The following DYNC2I2 variants were observed in gnomAD, a reference collection of about 807,000 sequenced individuals.
The protein encoded by DYNC2I2 is cytoplasmic dynein 2 intermediate chain 2.
In DYNC2I2, 39 loss-of-function variants were observed where a neutral mutation model predicts 52.0. The ratio of observed to expected loss-of-function variants is 0.75; its 90% CI spans 0.58 to 0.98. The LOEUF is 0.98. Ranked by LOEUF, DYNC2I2 falls within the 50% of genes least tolerant of loss-of-function variation. The pLI is 0.00. For missense variants in DYNC2I2, 743 were observed against 728.4 expected (o/e 1.02, Z -0.23); for synonymous variants, 359 against 321.1 (o/e 1.12, Z -1.26).
the DYNC2I2 span, among the ~76,000 whole-genome samples, chr9:128,674,201 TCTCGGCTCA>T: frequency 6.6e-6 from 1 of 151,888 alleles, no homozygotes; most frequent in Non-Finnish European, 1.5e-5. Context: ...AGTGGCGTAA[TCTCGGCTCA>T]CTGCAAGCTC....
chr9:128,659,703 G>A (rs1860896313), upstream of DYNC2I2, among the ~76,000 whole-genome samples: 1 of 151,886 alleles, frequency 6.6e-6, no homozygotes, highest in African/African-American at 2.4e-5. Flanking sequence ...GAGGTCAGGA[G>A]TTCGAGACCA....
chr9:128,637,340 A>T (rs1427664729), intron 2 of DYNC2I2, among the ~76,000 whole-genome samples: 7 of 152,248 alleles, frequency 4.6e-5, no homozygotes, highest in Non-Finnish European at 1.0e-4. Context: ...GTTGCCCAGC[A>T]GCATAAAAGT....
the DYNC2I2 span, among the ~76,000 whole-genome samples, chr9:128,662,904 A>C: frequency 2.3e-4 from 35 of 149,378 alleles, no homozygotes; most frequent in African/African-American, 8.2e-4. Flanking sequence ...TCACAGGTTC[A>C]AGCATTTCTC....
chr9:128,666,479 A>G, the DYNC2I2 span, among the ~76,000 whole-genome samples: 1 of 151,386 alleles, frequency 6.6e-6, no homozygotes, highest in Non-Finnish European at 1.5e-5. Flanking sequence ...AATGAAGACA[A>G]TGCCGGGCAT....
chr9:128,637,239 C>T (rs1426124447), intron 2 of DYNC2I2, among the ~76,000 whole-genome samples: 1 of 152,216 alleles, frequency 6.6e-6, no homozygotes, highest in Non-Finnish European at 1.5e-5. Context: ...GAAGCAAGGC[C>T]GACCAGGCTC....
At chr9:128,668,206 G>C in the DYNC2I2 span, among the ~76,000 whole-genome samples, 1 of 151,784 alleles carries the variant, frequency 6.6e-6, no homozygotes, top group East Asian at 1.9e-4. Context: ...TGATCCGCCC[G>C]CCTTGGCCTC....
At chr9:128,677,556 C>T in the DYNC2I2 span, among the ~76,000 whole-genome samples, 21 of 151,780 alleles carry the variant, frequency 1.4e-4, no homozygotes, top group East Asian at 5.8e-4. Context: ...CAGCACTTTG[C>T]GTCGGCTGAG....
the DYNC2I2 span, among the ~76,000 whole-genome samples, chr9:128,666,058 G>C: frequency 1.3e-5 from 2 of 151,986 alleles, no homozygotes; most frequent in African/African-American, 4.8e-5. Flanking sequence ...CTGGGAGACA[G>C]AGCAAGACTC....
chr9:128,682,210 G>A, the DYNC2I2 span, among the ~76,000 whole-genome samples: 8 of 151,624 alleles, frequency 5.3e-5, no homozygotes, highest in African/African-American at 1.2e-4. Flanking sequence ...AACCACGCCC[G>A]GCTAATTTTT....
At chr9:128,683,461 C>T in the DYNC2I2 span, 110 of 227,726 alleles carry the variant, frequency 4.8e-4, 1 homozygote, top group African/African-American at 2.3e-3. Flanking sequence ...GGCAACAGCA[C>T]GTGTTTAAAT....
At position 128,640,680 on chromosome 9, in the gene DYNC2I2, C is replaced by G. The variant is rs202171371; in HGVS notation, c.435+11G>C. 1 of 1,611,972 alleles carries G rather than the reference C, an allele frequency of 6.2e-7. No homozygotes were observed. The highest frequency in any genetic ancestry group is 8.5e-7 in the Non-Finnish European group (1 of 1,178,520). ...GGGCTCGACCCGAGGCTGCACCAGC[C>G]CATCCCCTACCATCTGCTGCTGCTC... On this transcript the variant is annotated intron_variant, in intron 2 of 8. Coordinates refer to ENST00000372715, the MANE Select transcript of DYNC2I2 (RefSeq NM_052844.4).
chr9:128,645,613 T>C (rs1416920313), intron 1 of DYNC2I2, among the ~76,000 whole-genome samples: 2 of 47,168 alleles, frequency 4.2e-5, no homozygotes, highest in South Asian at 1.1e-3. Context: ...TGAGACTCCA[T>C]CTCAAAAAAA....
At chr9:128,678,283 G>C in the DYNC2I2 span, among the ~76,000 whole-genome samples, 2 of 151,592 alleles carry the variant, frequency 1.3e-5, no homozygotes, top group African/African-American at 4.8e-5. Flanking sequence ...GGTCAGGCTG[G>C]TCTCGAACTC....
chr9:128,679,225 T>C, the DYNC2I2 span, among the ~76,000 whole-genome samples: 1 of 152,280 alleles, frequency 6.6e-6, no homozygotes, highest in South Asian at 2.1e-4. Flanking sequence ...CTCTTCATGA[T>C]CTTAGGCAAA....
chr9:128,634,969 G>A lies in DYNC2I2; in HGVS notation c.982-48C>T, dbSNP rs749611182. 8 of 1,601,536 alleles carry A rather than the reference G, an allele frequency of 5.0e-6. No homozygotes were observed. The African/African-American group carries it at 1.1e-4, about 21-fold the overall frequency. ...GGGTCAGAGCCAAGGGCATCAGATG[G>A]CACTGTCCCAACAGAGCCAGAGAAC... On this transcript the variant is annotated intron_variant, in intron 6 of 8. Coordinates refer to ENST00000372715, the MANE Select transcript of DYNC2I2 (RefSeq NM_052844.4).
chr9:128,682,173 C>T, the DYNC2I2 span, among the ~76,000 whole-genome samples: 4 of 151,674 alleles, frequency 2.6e-5, no homozygotes, highest in South Asian at 2.1e-4. Flanking sequence ...CTCAGCCTCC[C>T]GAGTAGCTGG....
intron 1 of DYNC2I2, among the ~76,000 whole-genome samples, chr9:128,642,375 G>C (rs1860530569): frequency 6.8e-6 from 1 of 146,358 alleles, no homozygotes; most frequent in Admixed American, 7.0e-5. Flanking sequence ...AGAACTGCTT[G>C]AACCCGGGAG....
At position 128,633,852 on chromosome 9, in the gene DYNC2I2, G is replaced by A. The variant is rs759046858; in HGVS notation, c.1503C>T (p.Gly501=). ...NSQQTQLLAA[G]DAQGTVKVWQ... ...ACACCTTCACTGTGCCCTGGGCATCGCCCGCAGCCAAGAGCTGAGTCTGCT... is the reference window on the plus strand; with the variant it reads ...ACACCTTCACTGTGCCCTGGGCATCACCCGCAGCCAAGAGCTGAGTCTGCT... The change falls in exon 9 of 9, where the codon GGC becomes GGT. Residue 501 remains glycine, a synonymous_variant. Transcript: ENST00000372715. 4.9e-5 allele frequency: 79 copies of A among 1,613,432 alleles called. No homozygotes were observed. Among genetic ancestry groups the A allele is most frequent in the East Asian group, 3.3e-4 (15 of 44,894 alleles).
chr9:128,664,022 G>A, the DYNC2I2 span, among the ~76,000 whole-genome samples: 1 of 148,780 alleles, frequency 6.7e-6, no homozygotes, highest in South Asian at 2.1e-4. Context: ...CAATGGCGTG[G>A]TCTTGGCTCA....
Sources: gnomAD v4.1 joint callset for allele counts (sites outside exome capture counted in the v4.1 genomes callset) on GRCh38, gnomAD v4.1.1 for gene constraint, MANE v1.5 for transcripts, NCBI Gene and HGNC (gene_info 2026-07-23, HGNC 2026-07-21) for gene names.